HOOK3: variants seen among roughly 807,000 people sequenced by gnomAD.
HOOK3 encodes the protein hook microtubule tethering protein 3, also known as protein Hook homolog 3.
HOOK3 carries 24 observed loss-of-function variants against 116.3 expected under a neutral mutation model. The ratio of observed to expected loss-of-function variants is 0.21; its 90% CI spans 0.15 to 0.29. The LOEUF (loss-of-function observed/expected upper bound fraction) is 0.29, where lower values mean the gene tolerates loss of function less well. Among genes scored for constraint, HOOK3 ranks in the 10% least tolerant of loss-of-function variants. HOOK3 has a pLI of 1.00. For synonymous variants in HOOK3, 275 were observed against 283.0 expected (o/e 0.97, Z 0.28); for missense variants, 632 against 830.2 (o/e 0.76, Z 2.93).
chr8:43,012,024 G>GGAAGAA (rs1384348433), intron 19 of HOOK3, among the ~76,000 whole-genome samples: 3 of 152,190 alleles, frequency 2.0e-5, no homozygotes, highest in Non-Finnish European at 2.9e-5. Context: ...GGGCCACAGT[G>GGAAGAA]ATAGGCTTAC....
At chr8:42,956,318 T>C (rs1466282493) in intron 6 of HOOK3, among the ~76,000 whole-genome samples, 3 of 151,904 alleles carry the variant, frequency 2.0e-5, no homozygotes, top group Admixed American at 6.6e-5. Context: ...TGTCCACATT[T>C]ATTCTTTAGA....
intron 13 of HOOK3, among the ~76,000 whole-genome samples, chr8:42,974,600 G>A (rs1808785654): frequency 6.6e-6 from 1 of 152,188 alleles, no homozygotes; most frequent in African/African-American, 2.4e-5. Context: ...TGATTGTGCT[G>A]ATAGATAAAA....
chr8:42,955,315 T>A (rs1586608346), intron 6 of HOOK3, among the ~76,000 whole-genome samples: 1 of 152,208 alleles, frequency 6.6e-6, no homozygotes, highest in East Asian at 1.9e-4. Flanking sequence ...GGGTCTTGAG[T>A]GTGTGTGCAT....
At chr8:42,914,018 G>A (rs1027778708) in intron 2 of HOOK3, among the ~76,000 whole-genome samples, 4 of 152,174 alleles carry the variant, frequency 2.6e-5, no homozygotes, top group Non-Finnish European at 4.4e-5. Context: ...ACCTTGATCT[G>A]AAAGACATCT....
rs199518774 is a variant in HOOK3, at chr8:42,906,156, T to A, written c.58-17T>A. On this transcript the variant is annotated splice_polypyrimidine_tract_variant and intron_variant, in intron 1 of 21. Transcript: ENST00000307602. ...AACCACAGAATCTCTCCCCCCCCCCTCTTTTTTTCCCTTCAGATCCAGACA... is the reference window on the plus strand; with the variant it reads ...AACCACAGAATCTCTCCCCCCCCCCACTTTTTTTCCCTTCAGATCCAGACA... 1.8e-5 allele frequency: 8 copies of A among 435,312 alleles called. No individual in the cohort carries two copies. Among genetic ancestry groups the A allele is most frequent in the East Asian group, 7.3e-5 (1 of 13,628 alleles). The allele number at this position is 435,312 out of a possible 1,614,324, so 27.0% of individuals were successfully genotyped here.
In HOOK3 at chr8:42,986,678, A is replaced by T; in HGVS notation, c.1415A>T (p.His472Leu). The change falls in exon 15 of 22, where the codon CAT becomes CTT. Residue 472 changes from histidine (H) to leucine (L), a missense_variant. Physicochemically the swap from His to Leu is moderately conservative, Grantham distance 99. This residue lies in a region of HOOK3 where 483 missense variants were observed against 648.1 expected (regional missense o/e 0.75). Coordinates refer to ENST00000307602, the MANE Select transcript of HOOK3 (RefSeq NM_032410.4). ...EIREKLIRLQ[H>L]ENKMLKLNQE... ...AGGGAGAAACTTATTCGTCTTCAGC[A>T]TGAGAATAAGATGTTAAAGCTTAAC... 1 of 1,612,154 alleles carries T rather than the reference A, an allele frequency of 6.2e-7. No individual in the cohort carries two copies. Among genetic ancestry groups the T allele is most frequent in the Non-Finnish European group, 8.5e-7 (1 of 1,179,282 alleles).
intron 15 of HOOK3, among the ~76,000 whole-genome samples, chr8:42,991,560 G>A (rs543606590): frequency 8.4e-4 from 127 of 151,964 alleles, no homozygotes; most frequent in African/African-American, 2.3e-3. Flanking sequence ...GAGCCACCAC[G>A]CCCAGTTAAT....
At chr8:42,918,306 C>G (rs960849095) in intron 2 of HOOK3, among the ~76,000 whole-genome samples, 11 of 151,948 alleles carry the variant, frequency 7.2e-5, no homozygotes, top group African/African-American at 2.7e-4. Context: ...CCATTGCACT[C>G]CAGCCTGGGC....
intron 1 of HOOK3, among the ~76,000 whole-genome samples, chr8:42,901,454 T>G (rs1217096758): frequency 6.6e-6 from 1 of 152,198 alleles, no homozygotes; most frequent in Non-Finnish European, 1.5e-5. Context: ...TTTTTTTGGT[T>G]TTTAGTATGA....
chr8:42,939,591 C>T (rs1808057782), intron 4 of HOOK3, among the ~76,000 whole-genome samples: 1 of 145,364 alleles, frequency 6.9e-6, no homozygotes, highest in Non-Finnish European at 1.5e-5. Flanking sequence ...CCACCTCCCT[C>T]CCGGACGGGC....
rs1563318600 is a variant in HOOK3 at position 43,027,986 on chromosome 8, T to TAAGTA, written c.*9488_*9489insAAGTA. The TAAGTA allele has an allele frequency of 5.2e-6, 1 of 193,306 alleles. No individual in the cohort carries two copies. Among genetic ancestry groups the TAAGTA allele is most frequent in the Non-Finnish European group, 1.1e-5 (1 of 92,750 alleles). The allele number at this position is 193,306 out of a possible 1,614,324, so 12.0% of individuals were successfully genotyped here. A position where few individuals can be genotyped will look rare whatever the true frequency, so the allele number is the denominator to read the frequency against. On this transcript the variant is annotated 3_prime_UTR_variant, in exon 22 of 22. Coordinates refer to ENST00000307602, the MANE Select transcript of HOOK3 (RefSeq NM_032410.4). ...CAACTCTGAGATTTTACCACCATACTTAGAGAAAGTTTTTCTGTTATAAAA... is the reference window on the plus strand; with the variant it reads ...CAACTCTGAGATTTTACCACCATACTAAGTATAGAGAAAGTTTTTCTGTTATAAAA...
chr8:42,931,337 G>A (rs1287299176), intron 4 of HOOK3, among the ~76,000 whole-genome samples: 1 of 146,862 alleles, frequency 6.8e-6, no homozygotes, highest in Non-Finnish European at 1.5e-5. Context: ...CCTGTTTATT[G>A]TTTATTCCCT....
At chr8:42,914,113 C>A (rs1356474642) in intron 2 of HOOK3, among the ~76,000 whole-genome samples, 2 of 152,142 alleles carry the variant, frequency 1.3e-5, no homozygotes, top group Non-Finnish European at 2.9e-5. Context: ...CCAGGAAACT[C>A]ATGGTCGTGC....
At position 42,944,242 on chromosome 8, in the gene HOOK3, C is replaced by T. The variant is rs938148242; in HGVS notation, c.400+797C>T. Among the ~76,000 whole-genome samples the T allele has an allele frequency of 3.8e-4, 58 of 151,460 alleles. 1 individual carries two copies. Among genetic ancestry groups the T allele is most frequent in the Admixed American group, 3.2e-3 (48 of 15,206 alleles). On this transcript the variant is annotated intron_variant, in intron 5 of 21. Coordinates refer to ENST00000307602, the MANE Select transcript of HOOK3 (RefSeq NM_032410.4). ...CCAGCTTGACCAATATGGTGAAACC[C>T]CATCTCTACCAGAAAAAAAAAAAAT...
intron 3 of HOOK3, among the ~76,000 whole-genome samples, chr8:42,929,198 CATATT>C (rs2130362941): frequency 6.6e-6 from 1 of 152,124 alleles, no homozygotes; most frequent in African/African-American, 2.4e-5. Flanking sequence ...TGAAAGAAAG[CATATT>C]ATATGCATTT....
chr8:42,971,983 T>G (rs1354426595), intron 11 of HOOK3, among the ~76,000 whole-genome samples: 2 of 152,210 alleles, frequency 1.3e-5, no homozygotes, highest in African/African-American at 4.8e-5. Context: ...GTGCCTGGCC[T>G]CTTAACTCCT....
chr8:43,018,391 A>C lies in HOOK3; in HGVS notation c.2050A>C (p.Arg684=). The C allele has an allele frequency of 6.2e-7, 1 of 1,609,950 alleles. No homozygotes were observed. Among genetic ancestry groups the C allele is most frequent in the Non-Finnish European group, 8.5e-7 (1 of 1,179,004 alleles). The change falls in exon 22 of 22, where the codon AGA becomes CGA. Residue 684 remains arginine (R), a synonymous_variant. Coordinates refer to ENST00000307602, the MANE Select transcript of HOOK3 (RefSeq NM_032410.4). The part of the protein sequence containing the change: ...MTLHKKAAED[R]LASTGSGQSF... ...CCTGCATAAAAAGGCAGCTGAAGATAGACTGGCAAGCACAGGCTCAGGGCA... is the reference window on the plus strand; with the variant it reads ...CCTGCATAAAAAGGCAGCTGAAGATCGACTGGCAAGCACAGGCTCAGGGCA...
chr8:43,000,613 G>A (rs1329544540), intron 16 of HOOK3, among the ~76,000 whole-genome samples: 1 of 152,124 alleles, frequency 6.6e-6, no homozygotes, highest in South Asian at 2.1e-4. Flanking sequence ...TCAGTTTGGA[G>A]AGGCACTGCA....
At chr8:42,906,904 C>T (rs545071195) in intron 2 of HOOK3, among the ~76,000 whole-genome samples, 8 of 152,268 alleles carry the variant, frequency 5.3e-5, no homozygotes, top group African/African-American at 1.9e-4. Flanking sequence ...TCAAAATCAG[C>T]AGTTCCTCCT....
Sources: gnomAD v4.1 joint callset for allele counts (sites outside exome capture counted in the v4.1 genomes callset) on GRCh38, gnomAD v4.1.1 for gene constraint, gnomAD v4.1.1 regional missense constraint, MANE v1.5 for transcripts, NCBI Gene and HGNC (gene_info 2026-07-23, HGNC 2026-07-21) for gene names.